Variants in CD2AP observed in about 807,000 individuals in gnomAD.
CD2AP encodes the protein CD2 associated protein, also known as CD2-associated protein.
Under a neutral mutation model 85.1 loss-of-function variants are expected in CD2AP, and 46 were observed. The ratio of observed to expected loss-of-function variants is 0.54; its 90% CI spans 0.43 to 0.69. CD2AP has a LOEUF of 0.69. Ranked by LOEUF, CD2AP falls within the 30% of genes least tolerant of loss-of-function variation. The probability of loss-of-function intolerance (pLI) is 0.00; values close to 1 mark genes in which losing one functional copy is unlikely to be tolerated. For missense variants in CD2AP, 769 were observed against 729.5 expected (o/e 1.05, Z -0.62); for synonymous variants, 255 against 252.9 (o/e 1.01, Z -0.08).
intron 1 of CD2AP, among the ~76,000 whole-genome samples, chr6:47,490,477 A>G (rs1765706751): frequency 6.6e-6 from 1 of 152,178 alleles, no homozygotes; most frequent in Non-Finnish European, 1.5e-5. Flanking sequence ...AATAGTGGGA[A>G]GATGAAGAAT....
At chr6:47,587,386 A>G (rs541592911) in intron 11 of CD2AP, among the ~76,000 whole-genome samples, 7 of 151,956 alleles carry the variant, frequency 4.6e-5, no homozygotes, top group Admixed American at 1.3e-4. Context: ...ATTCCCCGTT[A>G]TTTCATGGGA....
intron 2 of CD2AP, among the ~76,000 whole-genome samples, chr6:47,519,174 AT>A (rs1766524004): frequency 6.6e-6 from 1 of 152,208 alleles, no homozygotes; most frequent in Admixed American, 6.5e-5. Flanking sequence ...GATAAAGTTA[AT>A]TTTTGATAGC....
chr6:47,535,403 TTAA>T (rs1767010742), intron 3 of CD2AP, among the ~76,000 whole-genome samples: 1 of 152,222 alleles, frequency 6.6e-6, no homozygotes, highest in Admixed American at 6.5e-5. Context: ...TGTAAGGCTA[TTAA>T]TAATTTTTAT....
At chr6:47,487,583 G>C (rs9349408) in intron 1 of CD2AP, among the ~76,000 whole-genome samples, 2 of 151,798 alleles carry the variant, frequency 1.3e-5, no homozygotes, top group Admixed American at 1.3e-4. Context: ...CCAGCTGCTC[G>C]GGAGGCTGAG....
intron 16 of CD2AP, among the ~76,000 whole-genome samples, chr6:47,610,952 T>TAG: frequency 1.8e-5 from 1 of 55,190 alleles, no homozygotes; most frequent in Non-Finnish European, 3.4e-5. Flanking sequence ...TTCTGATTTA[T>TAG]ATATATATAT....
intron 2 of CD2AP, among the ~76,000 whole-genome samples, chr6:47,518,032 T>G (rs1294032758): frequency 2.0e-5 from 3 of 152,196 alleles, no homozygotes; most frequent in Non-Finnish European, 4.4e-5. Context: ...AAATATTGTT[T>G]TGTAAAACTT....
chr6:47,569,504 A>AT (rs1448241269), intron 5 of CD2AP, among the ~76,000 whole-genome samples: 8 of 151,674 alleles, frequency 5.3e-5, no homozygotes, highest in African/African-American at 1.9e-4. Context: ...GGATTCTTAA[A>AT]TGTTTGTGCC....
chr6:47,478,808 G>A (rs755280551), intron 1 of CD2AP, among the ~76,000 whole-genome samples: 1 of 152,124 alleles, frequency 6.6e-6, no homozygotes, highest in Non-Finnish European at 1.5e-5. Context: ...GTTCTACCTA[G>A]GCAAGTGTGT....
At chr6:47,490,513 C>G (rs908056246) in intron 1 of CD2AP, among the ~76,000 whole-genome samples, 2 of 152,000 alleles carry the variant, frequency 1.3e-5, no homozygotes, top group Admixed American at 1.3e-4. Flanking sequence ...AATTTTCCAA[C>G]TTGTTTGCTC....
At chr6:47,606,391 T>C in intron 14 of CD2AP, 114 bp downstream of exon 14, 2 of 714,836 alleles carry the variant, frequency 2.8e-6, no homozygotes, top group Non-Finnish European at 5.1e-6. Context: ...ATAGCTCTTA[T>C]ACTCAAGTGG....
intron 17 of CD2AP, among the ~76,000 whole-genome samples, chr6:47,620,299 A>G (rs1769710332): frequency 6.6e-6 from 1 of 152,096 alleles, no homozygotes. Context: ...TTATCCCAGC[A>G]CCATTTGTTG....
chr6:47,499,814 C>CGCCTCCCGGGTTCAAGCCATTCTTCT (rs1562004573), intron 1 of CD2AP, among the ~76,000 whole-genome samples: 1 of 152,124 alleles, frequency 6.6e-6, no homozygotes, highest in Non-Finnish European at 1.5e-5. Context: ...CTGCAACTTT[C>CGCCTCCCGGGTTCAAGCCATTCTTCT]GCCTCCCGGG....
At chr6:47,548,443 G>C (rs2114051957) in intron 4 of CD2AP, among the ~76,000 whole-genome samples, 1 of 152,216 alleles carries the variant, frequency 6.6e-6, no homozygotes. Flanking sequence ...ACATAAACTA[G>C]AAAACCTAGA....
chr6:47,525,398 G>C (rs570707151), intron 2 of CD2AP, among the ~76,000 whole-genome samples: 1 of 152,100 alleles, frequency 6.6e-6, no homozygotes, highest in South Asian at 2.1e-4. Flanking sequence ...CTGTGTTTAG[G>C]AATTTGGTGA....
intron 17 of CD2AP, among the ~76,000 whole-genome samples, 181 bp from the exon 18 acceptor site, chr6:47,624,005 G>A (rs1410946970): frequency 6.6e-6 from 1 of 152,054 alleles, no homozygotes. Context: ...TGCCATTTAG[G>A]AACTTGCATT....
chr6:47,580,158 A>G (rs1042294759), intron 9 of CD2AP, among the ~76,000 whole-genome samples: 6 of 152,220 alleles, frequency 3.9e-5, no homozygotes, highest in African/African-American at 1.4e-4. Flanking sequence ...GTTAGATTGC[A>G]TTCAGTATTG....
intron 2 of CD2AP, among the ~76,000 whole-genome samples, chr6:47,530,746 T>C (rs1416148696): frequency 6.6e-6 from 1 of 152,196 alleles, no homozygotes; most frequent in Non-Finnish European, 1.5e-5. Context: ...AGGTGCTCAA[T>C]AAGTGTTTAT....
chr6:47,533,744 A>T lies in CD2AP; in HGVS notation c.308A>T (p.Asn103Ile). ...ATTCAGCCACATCCACAAACCAAAA[A>T]CATTAAGAAGAGTATGTAAATAATT... Reference protein sequence around the residue: ...GGIQPHPQTKNIKKKTKKRQC... With the variant: ...GGIQPHPQTKIIKKKTKKRQC... Residue 103 changes from asparagine (N) to isoleucine (I), a missense_variant, in exon 3 of 18, where the codon AAC (asparagine) becomes ATC (isoleucine). By Grantham distance (149) the Asn-to-Ile change is moderately radical. Coordinates refer to ENST00000359314, the MANE Select transcript of CD2AP (RefSeq NM_012120.3). 1 of 1,613,984 alleles carries T rather than the reference A, an allele frequency of 6.2e-7. No homozygotes were observed. Among genetic ancestry groups the T allele is most frequent in the Non-Finnish European group, 8.5e-7 (1 of 1,179,918 alleles).
intron 3 of CD2AP, among the ~76,000 whole-genome samples, chr6:47,540,149 TG>T (rs1281074880): frequency 2.2e-5 from 3 of 136,146 alleles, no homozygotes; most frequent in Admixed American, 8.2e-5. Flanking sequence ...TACTACTGCC[TG>T]GGTGACAGAG....
Sources: allele counts gnomAD v4.1 joint callset (sites outside exome capture counted in the v4.1 genomes callset), GRCh38; gene constraint gnomAD v4.1.1; transcripts MANE v1.5; gene names NCBI Gene and HGNC (gene_info 2026-07-23, HGNC 2026-07-21).